Variants in ATR observed in about 807,000 individuals in gnomAD.
The protein encoded by ATR is serine/threonine-protein kinase ATR.
ATR carries 142 observed loss-of-function variants against 305.3 expected under a neutral mutation model. That is an observed-to-expected ratio of 0.47 (90% CI 0.41 to 0.53). The LOEUF (loss-of-function observed/expected upper bound fraction) is 0.53, where lower values mean the gene tolerates loss of function less well. ATR is among the 20% of genes least tolerant of loss of function. ATR has a pLI of 0.00. For missense variants in ATR, 2,135 were observed against 3,133.1 expected, an observed-to-expected ratio of 0.68 and a Z score of 7.60; for synonymous variants, 1,050 against 1,068.1, an observed-to-expected ratio of 0.98 and a Z score of 0.33.
chr3:142,552,771 T>C (rs1209205172), intron 13 of ATR, among the ~76,000 whole-genome samples: 1 of 150,872 alleles, frequency 6.6e-6, no homozygotes, highest in Non-Finnish European at 1.5e-5. Flanking sequence ...TGGAATACTA[T>C]ACAGCCATAA....
chr3:142,499,512 T>C (rs2031837793), intron 31 of ATR, 115 bp downstream of exon 31: 3 of 880,006 alleles, frequency 3.4e-6, no homozygotes, highest in Non-Finnish European at 5.6e-6. Flanking sequence ...GCCAGGATGG[T>C]CTCGATCTCC....
At chr3:142,527,607 C>T (rs2033448709) in intron 21 of ATR, among the ~76,000 whole-genome samples, 1 of 152,098 alleles carries the variant, frequency 6.6e-6, no homozygotes, top group Non-Finnish European at 1.5e-5. Flanking sequence ...CATTTTTACT[C>T]ATTAATTAAT....
chr3:142,559,938 C>T (rs1344302626), intron 6 of ATR, among the ~76,000 whole-genome samples: 2 of 152,174 alleles, frequency 1.3e-5, no homozygotes, highest in African/African-American at 4.8e-5. Context: ...CAAATGTGTT[C>T]TGGTACTTTC....
intron 1 of ATR, among the ~76,000 whole-genome samples, chr3:142,573,231 A>G (rs2035330819): frequency 1.3e-5 from 2 of 152,156 alleles, no homozygotes. Context: ...TGATCACTTC[A>G]GGTCAGGAGT....
At chr3:142,535,812 C>T (rs1007307737) in intron 20 of ATR, among the ~76,000 whole-genome samples, 7 of 152,280 alleles carry the variant, frequency 4.6e-5, no homozygotes, top group Non-Finnish European at 1.0e-4. Context: ...GCTGTGGTAG[C>T]GCTTCTTTTT....
chr3:142,531,326 A>G (rs1007464138), intron 21 of ATR, among the ~76,000 whole-genome samples: 2 of 151,956 alleles, frequency 1.3e-5, no homozygotes, highest in African/African-American at 4.8e-5. Flanking sequence ...ACATATGTAT[A>G]CATGTGCCAT....
chr3:142,465,290 A>G, intron 40 of ATR, 50 bp from the exon 41 acceptor site: 1 of 1,479,194 alleles, frequency 6.8e-7, no homozygotes, highest in Non-Finnish European at 9.4e-7. Flanking sequence ...TTTCTGTGTA[A>G]ATGTCTATAT....
intron 21 of ATR, among the ~76,000 whole-genome samples, chr3:142,532,342 CT>C (rs1021129132): frequency 6.6e-6 from 1 of 152,162 alleles, no homozygotes; most frequent in African/African-American, 2.4e-5. Flanking sequence ...TTTATTTTGG[CT>C]TCTTACAAAG....
chr3:142,561,311 T>C lies in ATR; in HGVS notation c.1281A>G (p.Ile427Met). Residue 427 changes from isoleucine (I) to methionine (M), a missense_variant, in exon 5 of 47, where the codon ATA becomes ATG. By Grantham distance (10) the Ile-to-Met change is conservative. This residue lies in a region of ATR where 744 missense variants were observed against 873.2 expected (regional missense o/e 0.85). Transcript: ENST00000350721. ...QENLSSNSDG[I>M]SPKRRRLSSS... ...AGCTGAGACGACGCCTTTTGGGTGA[T>C]ATTCCATCACTATTACTGCTGAGGT... is the stretch of plus-strand genomic sequence containing the variant. 6.2e-7 allele frequency: 1 copy of C among 1,614,144 alleles called. No homozygotes were observed. Among genetic ancestry groups the C allele is most frequent in the Non-Finnish European group, 8.5e-7 (1 of 1,179,992 alleles).
chr3:142,467,671 A>G (rs1161951797), intron 39 of ATR, among the ~76,000 whole-genome samples: 1 of 152,164 alleles, frequency 6.6e-6, no homozygotes, highest in Non-Finnish European at 1.5e-5. Flanking sequence ...GCTGAGAAAC[A>G]TGGATATCTA....
chr3:142,488,300 A>T (rs1299723404), intron 35 of ATR, among the ~76,000 whole-genome samples: 2 of 149,980 alleles, frequency 1.3e-5, no homozygotes, highest in African/African-American at 4.9e-5. Flanking sequence ...GTTAGCAACG[A>T]CTCTCTGTTG....
In ATR at chr3:142,538,644, A is replaced by G. The variant is rs2108433167; in HGVS notation, c.3582-19T>C. The G allele has an allele frequency of 1.9e-6, 3 of 1,613,038 alleles. No individual in the cohort carries two copies. Among genetic ancestry groups the G allele is most frequent in the Non-Finnish European group, 2.5e-6 (3 of 1,179,328 alleles). ...CCAAGCTCTATGTGAAAAAACAAAT[A>G]GAAATGAAGTCCAATTACTTTTATT... On this transcript the variant is annotated intron_variant, in intron 18 of 46. Transcript: ENST00000350721.
At chr3:142,538,656 C>T (rs1199645087) in intron 18 of ATR, 31 bp from the exon 19 acceptor site, 3 of 1,611,474 alleles carry the variant, frequency 1.9e-6, no homozygotes, top group Non-Finnish European at 8.5e-7. Flanking sequence ...AAATGAAGTC[C>T]AATTACTTTT....
chr3:142,554,056 A>T, intron 10 of ATR, 41 bp from the exon 11 acceptor site: 1 of 1,495,790 alleles, frequency 6.7e-7, no homozygotes. Context: ...TAACATATTA[A>T]ATGTCAAGGT....
intron 1 of ATR, among the ~76,000 whole-genome samples, 156 bp downstream of exon 1, chr3:142,578,490 A>C (rs1450458264): frequency 6.6e-6 from 1 of 152,196 alleles, no homozygotes; most frequent in East Asian, 1.9e-4. Context: ...ACTCTGAGGG[A>C]GAAGCGCCCA....
At chr3:142,563,746 G>A (rs113065133) in intron 3 of ATR, among the ~76,000 whole-genome samples, 69 of 152,264 alleles carry the variant, frequency 4.5e-4, no homozygotes, top group African/African-American at 1.5e-3. Context: ...GCCTACTGAG[G>A]AAGGCATGTT....
Position 142,465,860 on chromosome 3 carries a change from G to C in ATR, c.6897+464C>G, listed in dbSNP as rs587777852. The C allele has an allele frequency of 8.8e-5, 15 of 170,540 alleles. No individual in the cohort carries two copies. Among genetic ancestry groups the C allele is most frequent in the Non-Finnish European group, 1.5e-4 (12 of 79,944 alleles). 10.6% of individuals were successfully genotyped at this position (170,540 alleles called of 1,614,324 possible). A position where few individuals can be genotyped will look rare whatever the true frequency, so the allele number is the denominator to read the frequency against. On this transcript the variant is annotated intron_variant, in intron 40 of 46. Transcript: ENST00000350721. ...TATCTACAAAAAATTTAAAAAATTA[G>C]CTGGGCATGGTGACATGCACCTGTA...
chr3:142,518,350 C>G (rs893925333), intron 24 of ATR, among the ~76,000 whole-genome samples: 125 of 152,138 alleles, frequency 8.2e-4, no homozygotes, highest in African/African-American at 2.8e-3. Flanking sequence ...AACTTCATCT[C>G]TACTAAAAAT....
At chr3:142,469,927 T>C (rs1051288640) in intron 37 of ATR, among the ~76,000 whole-genome samples, 159 bp downstream of exon 37, 1 of 152,194 alleles carries the variant, frequency 6.6e-6, no homozygotes, top group African/African-American at 2.4e-5. Context: ...ATGATTTGTC[T>C]TTCCTTTTTA....
Sources: allele counts gnomAD v4.1 joint callset (sites outside exome capture counted in the v4.1 genomes callset), GRCh38; gene constraint gnomAD v4.1.1; regional missense constraint gnomAD v4.1.1; transcripts MANE v1.5; gene names NCBI Gene and HGNC (gene_info 2026-07-23, HGNC 2026-07-21).